The following ARMC2 variants were observed in gnomAD, a reference collection of about 807,000 sequenced individuals.
ARMC2 encodes the protein armadillo repeat-containing protein 2.
ARMC2 carries 67 observed loss-of-function variants against 90.3 expected under a neutral mutation model. That is an observed-to-expected ratio of 0.74 (90% confidence interval 0.61 to 0.91). ARMC2 has a LOEUF of 0.91. ARMC2 is among the 40% of genes least tolerant of loss of function. ARMC2 has a pLI of 0.00. For synonymous variants in ARMC2, 393 were observed against 393.0 expected (o/e 1.00, Z 0.00); for missense variants, 920 against 1,030.9 (o/e 0.89, Z 1.47).
chr6:108,857,051 G>A (rs1450616100), intron 2 of ARMC2, among the ~76,000 whole-genome samples: 1 of 151,986 alleles, frequency 6.6e-6, no homozygotes, highest in Admixed American at 6.5e-5. Flanking sequence ...GGCTAGTCTG[G>A]GTCTTTTGTC....
chr6:108,886,442 G>A (rs183906759), intron 5 of ARMC2, among the ~76,000 whole-genome samples: 121 of 152,236 alleles, frequency 7.9e-4, no homozygotes, highest in African/African-American at 2.7e-3. Flanking sequence ...ACAGGCACAT[G>A]CCTGTAATCC....
chr6:108,992,797 A>C, the ARMC2 span: 1 of 1,610,458 alleles, frequency 6.2e-7, no homozygotes, highest in Non-Finnish European at 8.5e-7. Context: ...CTGGACACGA[A>C]ATGTTGGAAC....
chr6:108,988,487 G>A, the ARMC2 span: 22 of 1,482,526 alleles, frequency 1.5e-5, no homozygotes, highest in Non-Finnish European at 2.0e-5. Context: ...GTTAGGTGAA[G>A]GAGACTACGA....
At chr6:108,930,509 G>A (rs2128488227) in intron 11 of ARMC2, among the ~76,000 whole-genome samples, 1 of 149,502 alleles carries the variant, frequency 6.7e-6, no homozygotes, top group Admixed American at 6.6e-5. Context: ...TTTGTTGTAG[G>A]TTTTCCTAAC....
the ARMC2 span, chr6:109,008,977 C>T: frequency 2.0e-6 from 2 of 1,008,156 alleles, no homozygotes; most frequent in Admixed American, 1.2e-4. Flanking sequence ...GGCATATCCA[C>T]AGGCTGTTTC....
intron 10 of ARMC2, among the ~76,000 whole-genome samples, chr6:108,925,478 G>A (rs1027923601): frequency 3.3e-5 from 5 of 152,240 alleles, no homozygotes; most frequent in Non-Finnish European, 7.3e-5. Context: ...GGAGTAGACA[G>A]ATAGTAAACC....
chr6:108,947,622 G>C (rs1017372907), intron 12 of ARMC2, among the ~76,000 whole-genome samples: 1 of 152,090 alleles, frequency 6.6e-6, no homozygotes, highest in Non-Finnish European at 1.5e-5. Flanking sequence ...TGAGTAACTT[G>C]TTTGCTCATT....
At chr6:108,880,936 A>G (rs1368912248) in intron 5 of ARMC2, among the ~76,000 whole-genome samples, 1 of 151,110 alleles carries the variant, frequency 6.6e-6, no homozygotes, top group Non-Finnish European at 1.5e-5. Flanking sequence ...GCTCACTGCA[A>G]CCTCCGCCTC....
At chr6:108,917,303 G>A (rs1284149929) in intron 10 of ARMC2, among the ~76,000 whole-genome samples, 2 of 151,646 alleles carry the variant, frequency 1.3e-5, no homozygotes, top group African/African-American at 2.4e-5. Context: ...AGCAGCTCCC[G>A]CAAATCCAGA....
At chr6:108,941,429 C>T (rs187135983) in intron 12 of ARMC2, among the ~76,000 whole-genome samples, 4 of 152,124 alleles carry the variant, frequency 2.6e-5, no homozygotes, top group Non-Finnish European at 4.4e-5. Flanking sequence ...CAAATCTTAG[C>T]GATAAGGTAT....
chr6:108,919,517 AT>A (rs11414793), intron 10 of ARMC2, among the ~76,000 whole-genome samples: 9 of 151,468 alleles, frequency 5.9e-5, no homozygotes, highest in African/African-American at 9.7e-5. Context: ...CTTACAGATA[AT>A]TTTTTTTTGG....
intron 4 of ARMC2, among the ~76,000 whole-genome samples, chr6:108,870,294 C>A (rs1373818555): frequency 3.9e-5 from 6 of 152,134 alleles, no homozygotes; most frequent in Non-Finnish European, 7.4e-5. Context: ...AGATTTATGA[C>A]TTCTTGTGAA....
chr6:109,001,320 G>A, the ARMC2 span: 1 of 1,613,810 alleles, frequency 6.2e-7, no homozygotes, highest in Non-Finnish European at 8.5e-7. Context: ...TAATGTAGGG[G>A]TAACGGCCCA....
chr6:108,892,082 T>C (rs1771131831), intron 5 of ARMC2, among the ~76,000 whole-genome samples: 1 of 152,196 alleles, frequency 6.6e-6, no homozygotes, highest in Admixed American at 6.5e-5. Flanking sequence ...ACCAGTGACT[T>C]TGGAAGCCCA....
chr6:108,975,452 G>A (rs948490543), downstream of ARMC2, among the ~76,000 whole-genome samples: 2 of 152,188 alleles, frequency 1.3e-5, no homozygotes, highest in Non-Finnish European at 2.9e-5. Context: ...TGTGAACAGT[G>A]CTGCAATAAA....
At chr6:108,905,346 C>T (rs778106000) in intron 8 of ARMC2, among the ~76,000 whole-genome samples, 2 of 152,098 alleles carry the variant, frequency 1.3e-5, no homozygotes, top group African/African-American at 2.4e-5. Context: ...CATTCTTATT[C>T]AGCTCTCAAA....
At chr6:108,992,688 AGC>A in the ARMC2 span, 1 of 754,338 alleles carries the variant, frequency 1.3e-6, no homozygotes, top group Non-Finnish European at 2.4e-6. Flanking sequence ...CTGCCTGCAA[AGC>A]ACTTAGCATA....
chr6:108,871,376 C>T (rs189448879), intron 4 of ARMC2, among the ~76,000 whole-genome samples: 26 of 152,216 alleles, frequency 1.7e-4, no homozygotes, highest in Admixed American at 3.9e-4. Flanking sequence ...AGGAGCTTTT[C>T]AAACGCTCCC....
At chr6:109,039,932 A>G in the ARMC2 span, among the ~76,000 whole-genome samples, 1 of 152,336 alleles carries the variant, frequency 6.6e-6, no homozygotes, top group Non-Finnish European at 1.5e-5. Flanking sequence ...TCATGGCCAC[A>G]GACTGCATCA....
Sources: allele counts gnomAD v4.1 joint callset (sites outside exome capture counted in the v4.1 genomes callset), GRCh38; gene constraint gnomAD v4.1.1; transcripts MANE v1.5; gene names NCBI Gene and HGNC (gene_info 2026-07-23, HGNC 2026-07-21).